CUL5: variants seen among roughly 807,000 people sequenced by gnomAD.
CUL5 encodes cullin-5.
In CUL5, 26 loss-of-function variants were observed where a neutral mutation model predicts 108.8. The ratio of observed to expected loss-of-function variants is 0.24; its 90% CI spans 0.18 to 0.33. CUL5 has a LOEUF of 0.33. Among genes scored for constraint, CUL5 ranks in the 10% least tolerant of loss-of-function variants. The probability of loss-of-function intolerance (pLI) is 1.00; values close to 1 mark genes in which losing one functional copy is unlikely to be tolerated. For synonymous variants in CUL5, 334 were observed against 298.0 expected, an observed-to-expected ratio of 1.12 and a Z score of -1.25; for missense variants, 524 against 909.2, an observed-to-expected ratio of 0.58 and a Z score of 5.45.
At chr11:108,050,342 A>G (rs1863181435) in intron 4 of CUL5, among the ~76,000 whole-genome samples, 1 of 148,282 alleles carries the variant, frequency 6.7e-6, no homozygotes, top group African/African-American at 2.5e-5. Context: ...GGTATTCAGT[A>G]TTTTATTTCT....
rs1389974446 is a variant in CUL5 at position 108,104,670 on chromosome 11, A to G, written c.*286A>G. On this transcript the variant is annotated 3_prime_UTR_variant, in exon 19 of 19. Coordinates refer to ENST00000393094, the MANE Select transcript of CUL5 (RefSeq NM_003478.6). Reference sequence around the variant, plus strand: ...AAAGTGAATTTGATTTGTACCCACCAGGAGAAATACAGTTGGGAAGGGTGA... The same window carrying G: ...AAAGTGAATTTGATTTGTACCCACCGGGAGAAATACAGTTGGGAAGGGTGA... 2.3e-5 allele frequency: 5 copies of G among 217,620 alleles called. No homozygotes were observed. The highest frequency in any genetic ancestry group is 4.5e-5 in the Non-Finnish European group (5 of 111,684). The allele number at this position is 217,620 out of a possible 1,614,324, so 13.5% of individuals were successfully genotyped here.
Position 108,089,558 on chromosome 11 carries a change from C to T in CUL5, c.1378C>T (p.Arg460Ter). The change falls in exon 13 of 19, where the codon CGA (arginine) becomes TGA (stop). Residue 460 changes from arginine (R) to a stop codon, truncating the protein, a stop_gained. Coordinates refer to ENST00000393094, the MANE Select transcript of CUL5 (RefSeq NM_003478.6). LOFTEE classifies it high-confidence loss of function. ...FMRYHKAHLT[R>*]RLILDISADS... ...GAGGTATCATAAAGCTCATTTGACA[C>T]GACGTCTTATATTAGACATCTCTGC... is the stretch of plus-strand genomic sequence containing the variant. The T allele has an allele frequency of 6.4e-7, 1 of 1,563,350 alleles. No homozygotes were observed. The highest frequency in any genetic ancestry group is 8.6e-7 in the Non-Finnish European group (1 of 1,158,368).
intron 2 of CUL5, among the ~76,000 whole-genome samples, chr11:108,042,310 C>G (rs557440391): frequency 1.4e-3 from 209 of 151,632 alleles, no homozygotes; most frequent in South Asian, 4.8e-3. Context: ...ACCTCCACCC[C>G]CGGGTTCAAG....
chr11:108,029,759 A>G (rs1300588822), intron 1 of CUL5, among the ~76,000 whole-genome samples: 1 of 152,234 alleles, frequency 6.6e-6, no homozygotes, highest in Non-Finnish European at 1.5e-5. Flanking sequence ...TATGTGTTCC[A>G]TCAAAAAGGA....
intron 2 of CUL5, among the ~76,000 whole-genome samples, chr11:108,036,395 CA>C (rs1862744384): frequency 1.3e-5 from 2 of 152,282 alleles, no homozygotes; most frequent in African/African-American, 2.4e-5. Flanking sequence ...CAGCATATTA[CA>C]TATTATGTCA....
chr11:108,098,616 TA>T, intron 18 of CUL5, 87 bp downstream of exon 18: 1 of 1,171,650 alleles, frequency 8.5e-7, no homozygotes, highest in Non-Finnish European at 1.1e-6. Context: ...TTTTTGAATT[TA>T]AAAGCATGTA....
chr11:108,045,650 CAAG>C (rs1863048038), intron 2 of CUL5, among the ~76,000 whole-genome samples: 1 of 152,010 alleles, frequency 6.6e-6, no homozygotes, highest in Admixed American at 6.6e-5. Flanking sequence ...TCCCTTGAAA[CAAG>C]GAGTTCAAGA....
At chr11:108,047,041 G>A (rs1863085148) in intron 3 of CUL5, among the ~76,000 whole-genome samples, 2 of 152,086 alleles carry the variant, frequency 1.3e-5, no homozygotes, top group South Asian at 4.2e-4. Context: ...TCTGGGACAG[G>A]GCACAGTAGC....
intron 7 of CUL5, among the ~76,000 whole-genome samples, chr11:108,064,230 T>C (rs1863619361): frequency 6.6e-6 from 1 of 152,242 alleles, no homozygotes; most frequent in African/African-American, 2.4e-5. Context: ...GTTTGTATCA[T>C]GCAGGAATGT....
Position 108,043,499 on chromosome 11 carries a change from A to G in CUL5, c.135-2771A>G, listed in dbSNP as rs569020075. On this transcript the variant is annotated intron_variant, in intron 2 of 18. Coordinates refer to ENST00000393094, the MANE Select transcript of CUL5 (RefSeq NM_003478.6). ...TGGGAAACCATTAGAGGATTTAAGTATGGGGTAATATGATGTGACTTGAGT... is the reference window on the plus strand; with the variant it reads ...TGGGAAACCATTAGAGGATTTAAGTGTGGGGTAATATGATGTGACTTGAGT... Among the ~76,000 whole-genome samples the G allele has an allele frequency of 3.1e-4, 47 of 152,304 alleles. 1 individual carries two copies. Among genetic ancestry groups the G allele is most frequent in the Admixed American group, 1.2e-3 (19 of 15,288 alleles).
rs554508473 is a variant in CUL5, at chr11:108,021,926, C to T, written c.25-11876C>T. Among the ~76,000 whole-genome samples the T allele has an allele frequency of 5.9e-5, 9 of 152,158 alleles. No homozygotes were observed. In the South Asian group the frequency reaches 1.2e-3, roughly 21 times the overall value. The stretch of plus-strand genomic sequence containing the variant: ...AACTCCTGGGCCCAAGCAGTTGTCC[C>T]GCCTCAGCCTCTGGAGTAGCTAGGA... On this transcript the variant is annotated intron_variant, in intron 1 of 18. Coordinates refer to ENST00000393094, the MANE Select transcript of CUL5 (RefSeq NM_003478.6).
chr11:108,088,444 C>T (rs757264042), intron 11 of CUL5, 83 bp from the exon 12 acceptor site: 43 of 1,371,392 alleles, frequency 3.1e-5, no homozygotes, highest in South Asian at 7.0e-5. Flanking sequence ...ATGAGAAATT[C>T]GCTTGTGAAT....
chr11:108,013,519 T>C (rs4028252), intron 1 of CUL5, among the ~76,000 whole-genome samples: 148,511 of 152,222 alleles, frequency 0.98, 72,527 homozygotes, highest in Middle Eastern at 1. Context: ...GCGTACACAC[T>C]CCTACTTAGC....
intron 1 of CUL5, among the ~76,000 whole-genome samples, chr11:108,022,850 T>TA (rs35624225): frequency 1.3e-5 from 2 of 151,762 alleles, no homozygotes; most frequent in East Asian, 1.9e-4. Context: ...ACCCCATCTC[T>TA]AAAAAAAAGT....
At chr11:108,060,916 C>T (rs191851747) in intron 7 of CUL5, among the ~76,000 whole-genome samples, 1 of 151,914 alleles carries the variant, frequency 6.6e-6, no homozygotes, top group Non-Finnish European at 1.5e-5. Context: ...ATTCATTCAA[C>T]AGGTACTTAT....
chr11:108,013,178 C>G (rs1336740069), intron 1 of CUL5, among the ~76,000 whole-genome samples: 1 of 152,094 alleles, frequency 6.6e-6, no homozygotes, highest in Non-Finnish European at 1.5e-5. Context: ...TTATGACATT[C>G]CCTCCTTGGT....
intron 11 of CUL5, among the ~76,000 whole-genome samples, chr11:108,085,350 T>C (rs12796482): frequency 0.11 from 17,372 of 151,964 alleles, 1,145 homozygotes; most frequent in Non-Finnish European, 0.15. Flanking sequence ...TGCATGAATA[T>C]GGTTGTATGA....
intron 1 of CUL5, among the ~76,000 whole-genome samples, chr11:108,029,544 T>G: frequency 6.6e-6 from 1 of 152,202 alleles, no homozygotes; most frequent in East Asian, 1.9e-4. Context: ...ATTCTTTTTC[T>G]TATTAATAAG....
At chr11:108,016,416 A>G (rs564684203) in intron 1 of CUL5, among the ~76,000 whole-genome samples, 54 of 152,112 alleles carry the variant, frequency 3.6e-4, no homozygotes, top group Non-Finnish European at 6.3e-4. Flanking sequence ...CAGCATTCCC[A>G]GCTCATTTAA....
Sources: allele counts gnomAD v4.1 joint callset (sites outside exome capture counted in the v4.1 genomes callset), GRCh38; gene constraint gnomAD v4.1.1; transcripts MANE v1.5; gene names NCBI Gene and HGNC (gene_info 2026-07-23, HGNC 2026-07-21).